NCAM1: variants seen among roughly 807,000 people sequenced by gnomAD.
NCAM1 encodes neural cell adhesion molecule 1, also known as antigen recognized by monoclonal antibody 5.1H11.
A neutral mutation model predicts 109.8 loss-of-function variants in NCAM1; 14 were observed. That is an observed-to-expected ratio of 0.13 (90% CI 0.08 to 0.20). NCAM1 has a LOEUF of 0.20. NCAM1 is among the 10% of genes least tolerant of loss of function. The probability of loss-of-function intolerance (pLI) is 1.00; values close to 1 mark genes in which losing one functional copy is unlikely to be tolerated. For synonymous variants in NCAM1, 418 were observed against 442.9 expected (o/e 0.94, Z 0.70); for missense variants, 774 against 1,109.9 (o/e 0.70, Z 4.30).
chr11:113,221,704 G>T, intron 9 of NCAM1: 1 of 177,336 alleles, frequency 5.6e-6, no homozygotes, highest in East Asian at 1.5e-4. Context: ...CAGAGTTAGT[G>T]ATCTAAAAAC....
intron 1 of NCAM1, among the ~76,000 whole-genome samples, chr11:113,026,648 G>C: frequency 6.6e-6 from 1 of 152,170 alleles, no homozygotes. Flanking sequence ...TTTTGTATGG[G>C]AGAAAGCACA....
intron 1 of NCAM1, among the ~76,000 whole-genome samples, chr11:113,110,837 T>C (rs369896923): frequency 6.6e-6 from 1 of 152,158 alleles, no homozygotes; most frequent in African/African-American, 2.4e-5. Flanking sequence ...TCCTTTCCTA[T>C]TGGGATAGGT....
At chr11:113,192,066 C>T (rs561332232) in intron 1 of NCAM1, among the ~76,000 whole-genome samples, 24 of 152,374 alleles carry the variant, frequency 1.6e-4, no homozygotes, top group African/African-American at 5.8e-4. Context: ...ATAATTCCAA[C>T]TTCTTGCCAT....
chr11:113,062,610 G>T (rs782546984), intron 1 of NCAM1, among the ~76,000 whole-genome samples: 25 of 152,036 alleles, frequency 1.6e-4, no homozygotes, highest in Non-Finnish European at 3.1e-4. Flanking sequence ...TGAGAGTGAA[G>T]AAGGGGTTTG....
rs1343944586 is a variant in NCAM1, at chr11:112,963,664, G to A, written c.52+2000G>A. Among the ~76,000 whole-genome samples, 1 of 152,258 alleles carries A rather than the reference G, an allele frequency of 6.6e-6. No individual in the cohort carries two copies. The highest frequency in any genetic ancestry group is 1.5e-5 in the Non-Finnish European group (1 of 68,040). ...CCTGTCCACATGGGGCGGGGGAAGG[G>A]GGGTGTTTTTGAGACATCCTCGCCC... On this transcript the variant is annotated intron_variant, in intron 1 of 19. Transcript: ENST00000316851. This position sits in a 1 kb window ranked among gnomAD's most constrained non-coding sequence, Gnocchi z 4.6.
chr11:113,222,867 T>C (rs181640885), intron 9 of NCAM1, among the ~76,000 whole-genome samples: 1 of 152,296 alleles, frequency 6.6e-6, no homozygotes, highest in Admixed American at 6.5e-5. Flanking sequence ...TTGGACGTAA[T>C]TGACTTTCAA....
At chr11:113,085,377 C>T (rs1046972552) in intron 1 of NCAM1, among the ~76,000 whole-genome samples, 7 of 152,232 alleles carry the variant, frequency 4.6e-5, no homozygotes, top group Admixed American at 4.6e-4. Context: ...CTGTGCCTTC[C>T]TTTACCCTGC....
At chr11:113,216,310 C>T (rs1457352733) in intron 8 of NCAM1, among the ~76,000 whole-genome samples, 3 of 151,940 alleles carry the variant, frequency 2.0e-5, no homozygotes, top group Non-Finnish European at 4.4e-5. Flanking sequence ...CCACCTCGCC[C>T]GGCTAATTTT....
intron 1 of NCAM1, among the ~76,000 whole-genome samples, chr11:113,054,442 C>T (rs782270983): frequency 6.6e-6 from 1 of 152,154 alleles, no homozygotes; most frequent in South Asian, 2.1e-4. Flanking sequence ...GTCCTCCCCT[C>T]GAGGAAGGAT....
intron 1 of NCAM1, among the ~76,000 whole-genome samples, chr11:113,103,716 T>C (rs1555091943): frequency 6.6e-6 from 1 of 152,162 alleles, no homozygotes; most frequent in Non-Finnish European, 1.5e-5. Flanking sequence ...TGTGAAGGGC[T>C]TGATAACAAT....
At chr11:113,272,244 C>T (rs1946298843) in intron 19 of NCAM1, among the ~76,000 whole-genome samples, 2 of 152,124 alleles carry the variant, frequency 1.3e-5, no homozygotes, top group South Asian at 2.1e-4. Flanking sequence ...GTGTTTTCCC[C>T]CTGAAAGGAT....
At chr11:113,003,883 A>G (rs1051326658) in intron 1 of NCAM1, 3 of 152,192 alleles carry the variant, frequency 2.0e-5, no homozygotes, top group Non-Finnish European at 4.4e-5. Flanking sequence ...ACTTTTACAC[A>G]TGTATTTATA....
rs1565350204 is a variant in NCAM1 at position 112,962,437 on chromosome 11, T to G, written c.52+773T>G. ...GGAGGGCGTGATTGGGGCTGCCTGGTGTGTGCGCGCGCGTGTGCGCGCGTG... is the reference window on the plus strand; with the variant it reads ...GGAGGGCGTGATTGGGGCTGCCTGGGGTGTGCGCGCGCGTGTGCGCGCGTG... On this transcript the variant is annotated intron_variant, in intron 1 of 19. Transcript: ENST00000316851. The surrounding 1 kb of genome is among the most constrained non-coding windows in gnomAD (Gnocchi z 5.6). 6.6e-6 allele frequency among the ~76,000 whole-genome samples: 1 copy of G among 151,096 alleles called. No individual in the cohort carries two copies.
At chr11:113,240,845 T>C (rs544178914) in intron 14 of NCAM1, 1 of 1,612,078 alleles carries the variant, frequency 6.2e-7, no homozygotes, top group South Asian at 1.1e-5. Flanking sequence ...TGAGTATCAT[T>C]TTCTTCATCC....
intron 1 of NCAM1, among the ~76,000 whole-genome samples, chr11:113,041,579 A>T (rs1432649534): frequency 6.6e-6 from 1 of 152,214 alleles, no homozygotes; most frequent in Non-Finnish European, 1.5e-5. Context: ...GATGCGAACC[A>T]ATGGTAGACC....
intron 1 of NCAM1, among the ~76,000 whole-genome samples, chr11:113,035,298 A>G (rs972327789): frequency 5.3e-5 from 8 of 152,188 alleles, no homozygotes; most frequent in Middle Eastern, 3.2e-3. Context: ...TATGGACAAC[A>G]TATTATATGA....
chr11:113,104,202 T>TGGG (rs1565438460), intron 1 of NCAM1, among the ~76,000 whole-genome samples: 6 of 2,544 alleles, frequency 2.4e-3, no homozygotes, highest in Admixed American at 4.1e-3. Context: ...GAAGAGGAGG[T>TGGG]GGGGTGGGGG....
intron 1 of NCAM1, among the ~76,000 whole-genome samples, chr11:112,996,837 AC>A (rs1164427700): frequency 6.6e-6 from 1 of 152,040 alleles, no homozygotes; most frequent in Admixed American, 6.6e-5. Context: ...CATCCAAGGG[AC>A]CCCGTCCCTT....
Position 113,260,296 on chromosome 11 carries a change from A to G in NCAM1, c.2104A>G (p.Thr702Ala). 6.2e-7 allele frequency: 1 copy of G among 1,613,388 alleles called. No individual in the cohort carries two copies. Among genetic ancestry groups the G allele is most frequent in the Non-Finnish European group, 8.5e-7 (1 of 1,179,704 alleles). ...KSKAAHFVFR[T>A]SAQPTAIPAN... ...CAAGGCGGCTCATTTTGTGTTCAGG[A>G]CCTCGGCCCAGCCCACAGCCATCCC... The change falls in exon 17 of 20, where the codon ACC becomes GCC. Residue 702 changes from threonine to alanine, a missense_variant. Thr to Ala is a moderately conservative substitution (Grantham distance 58). This residue lies in a region of NCAM1 where 523 missense variants were observed against 784.2 expected (regional missense o/e 0.67). Coordinates refer to ENST00000316851, the MANE Select transcript of NCAM1 (RefSeq NM_181351.5).
Sources: allele counts gnomAD v4.1 joint callset (sites outside exome capture counted in the v4.1 genomes callset), GRCh38; gene constraint gnomAD v4.1.1; regional missense constraint gnomAD v4.1.1; non-coding constraint Gnocchi (gnomAD v3.1); transcripts MANE v1.5; gene names NCBI Gene and HGNC (gene_info 2026-07-23, HGNC 2026-07-21).